Variants in PCMTD1 observed in about 807,000 individuals in gnomAD.
PCMTD1 encodes the protein protein-L-isoaspartate O-methyltransferase domain-containing protein 1.
PCMTD1 carries 12 observed loss-of-function variants against 37.6 expected under a neutral mutation model. That is an observed-to-expected ratio of 0.32 (90% CI 0.20 to 0.52). The LOEUF (loss-of-function observed/expected upper bound fraction) is 0.52. Ranked by LOEUF, PCMTD1 falls within the 20% of genes least tolerant of loss-of-function variation. The pLI is 0.97. For missense variants in PCMTD1, 235 were observed against 421.3 expected, an observed-to-expected ratio of 0.56 and a Z score of 3.87; for synonymous variants, 117 against 135.8, an observed-to-expected ratio of 0.86 and a Z score of 0.96.
intron 1 of PCMTD1, among the ~76,000 whole-genome samples, chr8:51,869,504 T>A (rs1283245523): frequency 6.6e-6 from 1 of 152,042 alleles, no homozygotes; most frequent in East Asian, 1.9e-4. Flanking sequence ...AATCTATAAT[T>A]CAATATAATC....
Position 51,870,548 on chromosome 8 carries a change from A to AT in PCMTD1, c.-95-9303dup, listed in dbSNP as rs1424384027. ...AATCTTAAATTTTGTTTAAGTAGTG[A>AT]TAACATATAGCAGCAATTTCCTATG... On this transcript the variant is annotated intron_variant, in intron 1 of 5. Transcript: ENST00000522514. Among the ~76,000 whole-genome samples the AT allele has an allele frequency of 3.3e-5, 5 of 152,344 alleles. No individual in the cohort carries two copies. In the East Asian group the frequency reaches 9.7e-4, roughly 29 times the overall value.
intron 2 of PCMTD1, chr8:51,849,735 C>T: frequency 4.2e-6 from 1 of 238,198 alleles, no homozygotes; most frequent in South Asian, 1.0e-4. Flanking sequence ...GTTCATTTAT[C>T]ATTTACCAAT....
intron 1 of PCMTD1, among the ~76,000 whole-genome samples, chr8:51,887,540 A>T (rs1298274206): frequency 6.6e-6 from 1 of 152,136 alleles, no homozygotes; most frequent in Non-Finnish European, 1.5e-5. Flanking sequence ...CTAAAGCAAT[A>T]ACTATGTATA....
intron 3 of PCMTD1, 109 bp downstream of exon 3, chr8:51,845,552 T>C (rs1260559291): frequency 1.5e-6 from 1 of 661,970 alleles, no homozygotes; most frequent in African/African-American, 1.8e-5. Context: ...CACTGATTTT[T>C]GCTGCATTCA....
chr8:51,852,120 A>G (rs1563346824), intron 2 of PCMTD1, among the ~76,000 whole-genome samples: 1 of 152,228 alleles, frequency 6.6e-6, no homozygotes, highest in Non-Finnish European at 1.5e-5. Flanking sequence ...ACAGCCAATA[A>G]GATTAACACC....
chr8:51,880,245 A>G (rs115883066), intron 1 of PCMTD1, among the ~76,000 whole-genome samples: 358 of 152,182 alleles, frequency 2.4e-3, no homozygotes, highest in African/African-American at 7.6e-3. Context: ...AGGAGACAAT[A>G]GGTATTTGCC....
At chr8:51,849,167 TATC>T (rs1392323319) in intron 2 of PCMTD1, 2 of 152,198 alleles carry the variant, frequency 1.3e-5, no homozygotes, top group African/African-American at 2.4e-5. Flanking sequence ...GAAACATTTT[TATC>T]ATTATATGCT....
intron 1 of PCMTD1, among the ~76,000 whole-genome samples, chr8:51,865,276 CA>C (rs922195112): frequency 1.3e-5 from 2 of 152,038 alleles, no homozygotes; most frequent in Non-Finnish European, 2.9e-5. Context: ...AATTCCTTCT[CA>C]AATCCTTCCA....
chr8:51,890,710 T>G (rs963868798), intron 1 of PCMTD1, among the ~76,000 whole-genome samples: 1 of 152,180 alleles, frequency 6.6e-6, no homozygotes, highest in African/African-American at 2.4e-5. Context: ...GTGGCTCCCA[T>G]AACCAACAGC....
chr8:51,843,145 T>C (rs751007611), intron 3 of PCMTD1, among the ~76,000 whole-genome samples: 2 of 144,632 alleles, frequency 1.4e-5, no homozygotes, highest in Admixed American at 7.3e-5. Context: ...TTTTTATAAT[T>C]TGTCATTGAA....
intron 1 of PCMTD1, among the ~76,000 whole-genome samples, chr8:51,884,758 CCTCT>C (rs368494589): frequency 1.2e-4 from 19 of 152,282 alleles, no homozygotes; most frequent in Non-Finnish European, 2.2e-4. Context: ...TAGCAAAATG[CCTCT>C]CTATGAACAT....
intron 3 of PCMTD1, among the ~76,000 whole-genome samples, chr8:51,844,255 A>G (rs2129280260): frequency 6.6e-6 from 1 of 152,348 alleles, no homozygotes; most frequent in South Asian, 2.1e-4. Context: ...GATATGAACC[A>G]ACACAGTAAG....
Position 51,860,979 on chromosome 8 carries a change from T to A in PCMTD1, c.173A>T (p.His58Leu). 1 of 1,614,188 alleles carries A rather than the reference T, an allele frequency of 6.2e-7. No individual in the cohort carries two copies. Among genetic ancestry groups the A allele is most frequent in the Non-Finnish European group, 8.5e-7 (1 of 1,180,028 alleles). ...AGGTGCTGACAAGTGGATGTTTCCA[T>A]GCTTCCAGGCTAAGTCTTTGTAAGC... is the stretch of plus-strand genomic sequence containing the variant. The part of the protein sequence containing the change: ...DNAYKDLAWK[H>L]GNIHLSAPCI... Residue 58 changes from histidine to leucine, a missense_variant, in exon 2 of 6, where the codon CAT becomes CTT. By Grantham distance (99) the His-to-Leu change is moderately conservative. This residue lies in a region of PCMTD1 where 183 missense variants were observed against 349.3 expected (regional missense o/e 0.52). Transcript: ENST00000522514.
intron 2 of PCMTD1, among the ~76,000 whole-genome samples, chr8:51,853,158 CG>C (rs1204492585): frequency 6.6e-6 from 1 of 152,172 alleles, no homozygotes; most frequent in African/African-American, 2.4e-5. Flanking sequence ...TATTTATAAA[CG>C]TAACACACAG....
chr8:51,868,807 TTGA>T (rs1204472973), intron 1 of PCMTD1, among the ~76,000 whole-genome samples: 3 of 152,218 alleles, frequency 2.0e-5, no homozygotes, highest in South Asian at 2.1e-4. Context: ...ACTCACTGAT[TTGA>T]TGATAATGTG....
intron 1 of PCMTD1, among the ~76,000 whole-genome samples, chr8:51,869,428 G>A (rs1364240287): frequency 6.6e-6 from 1 of 152,080 alleles, no homozygotes; most frequent in Non-Finnish European, 1.5e-5. Flanking sequence ...GAAATAAAAA[G>A]GCTATATTCT....
chr8:51,829,532 A>G (rs1235475191), intron 5 of PCMTD1, among the ~76,000 whole-genome samples: 1 of 152,180 alleles, frequency 6.6e-6, no homozygotes, highest in African/African-American at 2.4e-5. Flanking sequence ...CCATGGTGGC[A>G]GGCTGGTGCC....
At chr8:51,823,142 A>C (rs1163750163) in intron 5 of PCMTD1, among the ~76,000 whole-genome samples, 1 of 152,184 alleles carries the variant, frequency 6.6e-6, no homozygotes, top group African/African-American at 2.4e-5. Flanking sequence ...CAGGACTCCT[A>C]AAGTAGCATT....
At chr8:51,845,899 G>A in intron 2 of PCMTD1, 136 bp from the exon 3 acceptor site, 1 of 547,312 alleles carries the variant, frequency 1.8e-6, no homozygotes, top group South Asian at 3.1e-5. Context: ...CCTAGCCTCA[G>A]ACTTAAAAGT....
Sources: gnomAD v4.1 joint callset for allele counts (sites outside exome capture counted in the v4.1 genomes callset) on GRCh38, gnomAD v4.1.1 for gene constraint, gnomAD v4.1.1 regional missense constraint, MANE v1.5 for transcripts, NCBI Gene and HGNC (gene_info 2026-07-23, HGNC 2026-07-21) for gene names.